Variants in IGF2 observed in about 807,000 individuals in gnomAD.
IGF2 encodes the protein insulin like growth factor 2.
IGF2 carries 2 observed loss-of-function variants against 12.0 expected under a neutral mutation model. The ratio of observed to expected loss-of-function variants is 0.17; its 90% CI spans 0.07 to 0.52. The LOEUF (loss-of-function observed/expected upper bound fraction) is 0.52. Among genes scored for constraint, IGF2 ranks in the 20% least tolerant of loss-of-function variants. IGF2 has a pLI of 0.95. For missense variants in IGF2, 211 were observed against 268.0 expected (o/e 0.79, Z 1.48); for synonymous variants, 105 against 110.1 (o/e 0.95, Z 0.29).
chr11:2,135,804 G>T lies in IGF2; in HGVS notation c.-6-275C>A, dbSNP rs34733937. Among the ~76,000 whole-genome samples, 585 of 152,306 alleles carry T rather than the reference G, an allele frequency of 3.8e-3. 4 individuals are homozygous for T. The highest frequency in any genetic ancestry group is 0.013 in the African/African-American group (540 of 41,558). ...AAGCACTAGTAATTTTACACGAGGG[G>T]TGACCATCTCCACGGTCATTATTGC... is the stretch of plus-strand genomic sequence containing the variant. On this transcript the variant is annotated intron_variant, in intron 1 of 3. Transcript: ENST00000416167.
At chr11:2,145,138 C>T (rs986382630), upstream of IGF2, among the ~76,000 whole-genome samples, 1 of 152,198 alleles carries the variant, frequency 6.6e-6, no homozygotes, top group Non-Finnish European at 1.5e-5. Flanking sequence ...GCCCATCTCT[C>T]CCCACCCATC....
chr11:2,133,138 GGCAGGCCCCTGC>G lies in IGF2; in HGVS notation c.380_391del (p.Arg127_Leu130del). 6.2e-7 allele frequency: 1 copy of G among 1,604,430 alleles called. No homozygotes were observed. Among genetic ancestry groups the G allele is most frequent in the Non-Finnish European group, 8.5e-7 (1 of 1,174,954 alleles). ...ACCCCGGCGGGCACGCAGGAGGGCA[GGCAGGCCCCTGC>G]GCAGGCGCTGGGTGGACTGCTTCCA... On this transcript the variant is annotated inframe_deletion, in exon 4 of 4. Coordinates refer to ENST00000416167, the MANE Select transcript of IGF2 (RefSeq NM_000612.6). The surrounding 1 kb of genome is among the most constrained non-coding windows in gnomAD (Gnocchi z 8.9).
In IGF2 at chr11:2,138,440, G is replaced by T; in HGVS notation, c.-218C>A. On this transcript the variant is annotated 5_prime_UTR_variant, in exon 1 of 4. Coordinates refer to ENST00000416167, the MANE Select transcript of IGF2 (RefSeq NM_000612.6). ...TGTCCAGGGAGGACGGGCTGTCTTCGGGCTGGGGCGGGCCAGATGTTGTAC... is the reference window on the plus strand; with the variant it reads ...TGTCCAGGGAGGACGGGCTGTCTTCTGGCTGGGGCGGGCCAGATGTTGTAC... 1.1e-6 allele frequency: 1 copy of T among 878,384 alleles called. No homozygotes were observed. The highest frequency in any genetic ancestry group is 1.4e-6 in the Non-Finnish European group (1 of 735,214). The allele number at this position is 878,384 out of a possible 1,614,324, so 54.4% of individuals were successfully genotyped here.
chr11:2,136,580 G>A (rs1289447422), intron 1 of IGF2, among the ~76,000 whole-genome samples: 1 of 152,264 alleles, frequency 6.6e-6, no homozygotes, highest in African/African-American at 2.4e-5. Context: ...CAGGCGGGCA[G>A]CCCCAGCCTT....
chr11:2,139,892 C>T (rs543925995), upstream of IGF2, among the ~76,000 whole-genome samples: 258 of 152,172 alleles, frequency 1.7e-3, no homozygotes, highest in African/African-American at 5.5e-3. Context: ...GGCCCCTGGG[C>T]TCGGGCGGGG....
the IGF2 span, chr11:2,146,385 C>T: frequency 1.9e-6 from 1 of 535,174 alleles, no homozygotes; most frequent in Non-Finnish European, 3.8e-6. Flanking sequence ...TGACCTTGCG[C>T]TCACTCCCCT....
Position 2,135,537 on chromosome 11 carries a change from C to T in IGF2, c.-6-8G>A, listed in dbSNP as rs773238092. On this transcript the variant is annotated splice_polypyrimidine_tract_variant and splice_region_variant and intron_variant, in intron 1 of 3. Transcript: ENST00000416167. ...TGGGATTCCCATTGGTGTCTGGGGG[C>T]GGGAGAGAAGTGGCGTGAGCGGGGC... 2.0e-5 allele frequency: 33 copies of T among 1,610,648 alleles called. No individual in the cohort carries two copies. Among genetic ancestry groups the T allele is most frequent in the Middle Eastern group, 1.6e-4 (1 of 6,066 alleles).
upstream of IGF2, among the ~76,000 whole-genome samples, chr11:2,144,091 T>A (rs1363077751): frequency 7.4e-5 from 11 of 149,186 alleles, no homozygotes; most frequent in African/African-American, 2.7e-4. Flanking sequence ...TGCTTTTATT[T>A]TTTTTTTTCT....
the IGF2 span, chr11:2,146,648 T>TCTAA: frequency 4.1e-3 from 1,313 of 322,728 alleles, 23 homozygotes; most frequent in African/African-American, 0.027. Flanking sequence ...TTATTGAGTG[T>TCTAA]CTAAGGTAAA....
the IGF2 span, chr11:2,146,306 A>G: frequency 1.9e-6 from 1 of 536,200 alleles, no homozygotes; most frequent in Non-Finnish European, 3.8e-6. Context: ...TTACAAACCC[A>G]GCTCCTTTCT....
rs1464147360 is a variant in IGF2 at position 2,138,556 on chromosome 11, G to A, written c.-334C>T. 6 of 488,822 alleles carry A rather than the reference G, an allele frequency of 1.2e-5. No individual in the cohort carries two copies. In the East Asian group the frequency reaches 1.3e-3, roughly 104 times the overall value. 30.3% of individuals were successfully genotyped at this position (488,822 alleles called of 1,614,324 possible). A position where few individuals can be genotyped will look rare whatever the true frequency, so the allele number is the denominator to read the frequency against. On this transcript the variant is annotated 5_prime_UTR_variant, in exon 1 of 4. The change creates a new upstream start codon in the 5' untranslated region. Transcript: ENST00000416167. ...AGATAGTGGGAGAGACAGAGTGAAC[G>A]TGAAAGGGGGGGGCCGAAGAGAGGG...
rs950782780 is a variant in IGF2, at chr11:2,133,238, G to T, written c.307-15C>A. 2.1e-5 allele frequency: 32 copies of T among 1,503,386 alleles called. No homozygotes were observed. Among genetic ancestry groups the T allele is most frequent in the Non-Finnish European group, 2.8e-5 (31 of 1,114,324 alleles). 93.1% of individuals were successfully genotyped at this position (1,503,386 alleles called of 1,614,324 possible). A position where few individuals can be genotyped will look rare whatever the true frequency, so the allele number is the denominator to read the frequency against. On this transcript the variant is annotated splice_polypyrimidine_tract_variant and intron_variant, in intron 3 of 3. Coordinates refer to ENST00000416167, the MANE Select transcript of IGF2 (RefSeq NM_000612.6). The surrounding 1 kb of genome is among the most constrained non-coding windows in gnomAD (Gnocchi z 8.9). ...GGGAAGTTGTCCTGGGAGGGGAAGG[G>T]GCTGGTCAGCAGGTGCCTGCTCTCC...
At position 2,138,902 on chromosome 11, in the gene IGF2, G is replaced by A. The variant is rs1414377985; in HGVS notation, c.-680C>T. On this transcript the variant is annotated 5_prime_UTR_variant, in exon 1 of 4. Transcript: ENST00000416167. Reference sequence around the variant, plus strand: ...GGAGTGGAGGCTGCACCCGGACCGCGGGCGCCCAGCTCGGTTTGGGCCGAC... The same window carrying A: ...GGAGTGGAGGCTGCACCCGGACCGCAGGCGCCCAGCTCGGTTTGGGCCGAC... The A allele has an allele frequency of 1.0e-6, 1 of 984,808 alleles. No individual in the cohort carries two copies. Among genetic ancestry groups the A allele is most frequent in the African/African-American group, 1.7e-5 (1 of 57,170 alleles). The allele number at this position is 984,808 out of a possible 1,614,324, so 61.0% of individuals were successfully genotyped here.
At chr11:2,149,499 G>T in the IGF2 span, 1 of 699,226 alleles carries the variant, frequency 1.4e-6, no homozygotes. Flanking sequence ...TCGTTTCCCT[G>T]AGCCCCTCCG....
In IGF2 at chr11:2,138,538, G is replaced by T; in HGVS notation, c.-316C>A. 4.8e-6 allele frequency: 3 copies of T among 621,380 alleles called. No homozygotes were observed. The highest frequency in any genetic ancestry group is 5.9e-6 in the Non-Finnish European group (3 of 511,906). The allele number at this position is 621,380 out of a possible 1,614,324, so 38.5% of individuals were successfully genotyped here. ...AAGGATAGAGGGGGGCAGAGATAGT[G>T]GGAGAGACAGAGTGAACGTGAAAGG... is the stretch of plus-strand genomic sequence containing the variant. On this transcript the variant is annotated 5_prime_UTR_variant, in exon 1 of 4. Coordinates refer to ENST00000416167, the MANE Select transcript of IGF2 (RefSeq NM_000612.6).
rs915763184 is a variant in IGF2, at chr11:2,131,310, G to A, written c.*1677C>T. The A allele has an allele frequency of 2.1e-5, 5 of 233,312 alleles. No homozygotes were observed. The highest frequency in any genetic ancestry group is 1.1e-4 in the African/African-American group (5 of 45,358). 14.5% of individuals were successfully genotyped at this position (233,312 alleles called of 1,614,324 possible). A position where few individuals can be genotyped will look rare whatever the true frequency, so the allele number is the denominator to read the frequency against. On this transcript the variant is annotated 3_prime_UTR_variant, in exon 4 of 4. Coordinates refer to ENST00000416167, the MANE Select transcript of IGF2 (RefSeq NM_000612.6). Reference sequence around the variant, plus strand: ...AGGGGCAGTGGAGATGGGAACAGGAGCGGGGCTCAGACCATGAAAACATTG... The same window carrying A: ...AGGGGCAGTGGAGATGGGAACAGGAACGGGGCTCAGACCATGAAAACATTG...
chr11:2,136,592 G>C (rs979001697), intron 1 of IGF2, among the ~76,000 whole-genome samples: 1 of 152,258 alleles, frequency 6.6e-6, no homozygotes, highest in Non-Finnish European at 1.5e-5. Context: ...CCCAGCCTTC[G>C]CTCCGCAGAC....
In IGF2 at chr11:2,138,220, G is replaced by C; in HGVS notation, c.-7+9C>G. On this transcript the variant is annotated intron_variant, in intron 1 of 3. Coordinates refer to ENST00000416167, the MANE Select transcript of IGF2 (RefSeq NM_000612.6). ...CCCGGCCCCGGCCCGGCCCGCACACGCCGCTTACCTGGAAGCCGGCGACGC... is the reference window on the plus strand; with the variant it reads ...CCCGGCCCCGGCCCGGCCCGCACACCCCGCTTACCTGGAAGCCGGCGACGC... 3.0e-6 allele frequency: 3 copies of C among 984,804 alleles called. No homozygotes were observed. Among genetic ancestry groups the C allele is most frequent in the Non-Finnish European group, 3.6e-6 (3 of 829,676 alleles). The allele number at this position is 984,804 out of a possible 1,614,324, so 61.0% of individuals were successfully genotyped here.
chr11:2,140,015 G>A, upstream of IGF2: 1 of 957,098 alleles, frequency 1.0e-6, no homozygotes, highest in Non-Finnish European at 1.5e-6. Flanking sequence ...CCCCCGCCAG[G>A]TGCGGGACGC....
Sources: allele counts gnomAD v4.1 joint callset (sites outside exome capture counted in the v4.1 genomes callset), GRCh38; gene constraint gnomAD v4.1.1; non-coding constraint Gnocchi (gnomAD v3.1); transcripts MANE v1.5; gene names NCBI Gene and HGNC (gene_info 2026-07-23, HGNC 2026-07-21).